EIF2B1: variants seen among roughly 807,000 people sequenced by gnomAD.
EIF2B1 encodes eukaryotic translation initiation factor 2B subunit alpha.
EIF2B1 carries 30 observed loss-of-function variants against 36.8 expected under a neutral mutation model. That is an observed-to-expected ratio of 0.81 (90% CI 0.61 to 1.10). The LOEUF is 1.10. EIF2B1 is among the 50% of genes least tolerant of loss of function. EIF2B1 has a pLI of 0.00. For missense variants in EIF2B1, 271 were observed against 374.8 expected (o/e 0.72, Z 2.29); for synonymous variants, 139 against 142.2 (o/e 0.98, Z 0.16).
chr12:123,633,380 C>G (rs544848762), intron 1 of EIF2B1, among the ~76,000 whole-genome samples, 165 bp downstream of exon 1: 2 of 152,028 alleles, frequency 1.3e-5, no homozygotes, highest in African/African-American at 2.4e-5. Context: ...TCCCTGAAAA[C>G]AAGAGCAGCG....
rs906578124 is a variant in EIF2B1 at position 123,630,791 on chromosome 12, G to A, written c.116-258C>T. Reference sequence around the variant, plus strand: ...TGGGTGGCTGGGCATGGTGGCTCACGCCTGTAATCTCAGCACTTTGGGAGG... The same window carrying A: ...TGGGTGGCTGGGCATGGTGGCTCACACCTGTAATCTCAGCACTTTGGGAGG... On this transcript the variant is annotated intron_variant, in intron 2 of 8. Coordinates refer to ENST00000424014, the MANE Select transcript of EIF2B1 (RefSeq NM_001414.4). This position sits in a 1 kb window ranked among gnomAD's most constrained non-coding sequence, Gnocchi z 4.6. Among the ~76,000 whole-genome samples the A allele has an allele frequency of 2.0e-5, 3 of 152,156 alleles. No individual in the cohort carries two copies. Among genetic ancestry groups the A allele is most frequent in the Middle Eastern group, 6.3e-3 (2 of 316 alleles).
chr12:123,626,492 TACTG>T lies in EIF2B1; in HGVS notation c.483-3_483del. On this transcript the variant is annotated splice_acceptor_variant and splice_polypyrimidine_tract_variant and coding_sequence_variant and intron_variant, in exon 6 of 9. Transcript: ENST00000424014. LOFTEE classifies it high-confidence loss of function. ...TGGCAGAGGGCTTTGGCCATTTTCT[TACTG>T]AAGATGACATTTTGAGAACGTTAGA... The T allele has an allele frequency of 6.2e-7, 1 of 1,614,128 alleles. No homozygotes were observed. The highest frequency in any genetic ancestry group is 8.5e-7 in the Non-Finnish European group (1 of 1,179,970).
chr12:123,624,703 A>G, intron 7 of EIF2B1, 84 bp downstream of exon 7: 2 of 1,162,828 alleles, frequency 1.7e-6, no homozygotes, highest in South Asian at 1.2e-5. Flanking sequence ...AGAAGGAACC[A>G]TAATCAACAC....
At chr12:123,625,256 ATCTT>A (rs958985618) in intron 6 of EIF2B1, among the ~76,000 whole-genome samples, 13 of 151,936 alleles carry the variant, frequency 8.6e-5, no homozygotes, top group Non-Finnish European at 1.3e-4. Context: ...AGTTTTAAAA[ATCTT>A]TCTTTTTTTT....
At chr12:123,623,598 A>T (rs949482177) in intron 7 of EIF2B1, among the ~76,000 whole-genome samples, 27 of 151,776 alleles carry the variant, frequency 1.8e-4, no homozygotes, top group African/African-American at 5.6e-4. Flanking sequence ...TCAGCCTGCC[A>T]AGTAGCTGGG....
rs779143416 is a variant in EIF2B1 at position 123,621,709 on chromosome 12, C to T, written c.*47G>A. On this transcript the variant is annotated 3_prime_UTR_variant, in exon 9 of 9. Transcript: ENST00000424014. ...CTGGGGTGTCAAGCAGCTACTCACCCTGCCTCAACTACGTAAGCTGCACCT... is the reference window on the plus strand; with the variant it reads ...CTGGGGTGTCAAGCAGCTACTCACCTTGCCTCAACTACGTAAGCTGCACCT... 3.7e-6 allele frequency: 6 copies of T among 1,612,076 alleles called. No homozygotes were observed. Among genetic ancestry groups the T allele is most frequent in the Non-Finnish European group, 5.1e-6 (6 of 1,179,902 alleles).
At chr12:123,633,403 T>C (rs572822166) in intron 1 of EIF2B1, 142 bp downstream of exon 1, 3 of 1,295,712 alleles carry the variant, frequency 2.3e-6, no homozygotes, top group African/African-American at 1.5e-5. Flanking sequence ...AGGGATTTAG[T>C]TGTGACTCTG....
At chr12:123,627,378 C>T (rs527344014) in intron 4 of EIF2B1, among the ~76,000 whole-genome samples, 1 of 152,364 alleles carries the variant, frequency 6.6e-6, no homozygotes, top group East Asian at 1.9e-4. Flanking sequence ...AGAAATGGAA[C>T]TCCCACACAG....
chr12:123,631,884 G>C (rs968546802), intron 2 of EIF2B1, among the ~76,000 whole-genome samples: 39 of 151,882 alleles, frequency 2.6e-4, no homozygotes, highest in Admixed American at 1.4e-3. Context: ...TGAGGCAGGA[G>C]AATCGCTTGA....
rs576614486 is a variant in EIF2B1, at chr12:123,627,245, A to T, written c.370-89T>A. ...CTGCGGCACGTGTTCCCGACACCCT[A>T]AGCATCTCTGTACACTTTCTCACAA... On this transcript the variant is annotated intron_variant, in intron 4 of 8. Coordinates refer to ENST00000424014, the MANE Select transcript of EIF2B1 (RefSeq NM_001414.4). 2.0e-5 allele frequency: 19 copies of T among 973,198 alleles called. No homozygotes were observed. In the African/African-American group the frequency reaches 3.0e-4, roughly 16 times the overall value. 60.3% of individuals were successfully genotyped at this position (973,198 alleles called of 1,614,324 possible).
At position 123,630,627 on chromosome 12, in the gene EIF2B1, T is replaced by C. The variant is rs1366280672; in HGVS notation, c.116-94A>G. 5.2e-6 allele frequency: 8 copies of C among 1,529,428 alleles called. No individual in the cohort carries two copies. Among genetic ancestry groups the C allele is most frequent in the Non-Finnish European group, 7.1e-6 (8 of 1,118,936 alleles). 94.7% of individuals were successfully genotyped at this position (1,529,428 alleles called of 1,614,324 possible). ...ATTCATTCATTCAGTGAATATTTAC[T>C]AGGTACATACTATATACCAGGCACT... is the stretch of plus-strand genomic sequence containing the variant. On this transcript the variant is annotated intron_variant, in intron 2 of 8. Transcript: ENST00000424014. The surrounding 1 kb of genome is among the most constrained non-coding windows in gnomAD (Gnocchi z 4.6).
chr12:123,628,715 G>A (rs1051072756), intron 4 of EIF2B1, among the ~76,000 whole-genome samples: 1 of 151,990 alleles, frequency 6.6e-6, no homozygotes, highest in Non-Finnish European at 1.5e-5. Flanking sequence ...AAGACAAGGG[G>A]GCAGAACCAG....
intron 7 of EIF2B1, among the ~76,000 whole-genome samples, chr12:123,623,168 G>A (rs1021587636): frequency 6.6e-6 from 1 of 152,066 alleles, no homozygotes; most frequent in Non-Finnish European, 1.5e-5. Context: ...ATCACCTGAG[G>A]TCAGGAGTTT....
Position 123,633,533 on chromosome 12 carries a change from G to A in EIF2B1, c.13+12C>T. ...TGCTGTAGCCTAGCAGCCCTGGCCT[G>A]TCTTGATTTACCCTTGTCGTCCATG... On this transcript the variant is annotated intron_variant, in intron 1 of 8. Transcript: ENST00000424014. 6.2e-7 allele frequency: 1 copy of A among 1,613,724 alleles called. No individual in the cohort carries two copies.
At position 123,628,141 on chromosome 12, in the gene EIF2B1, G is replaced by A. The variant is rs180867090; in HGVS notation, c.370-985C>T. ...AGTGTTCATGGCTCACTGTAGCCTC[G>A]ACATCCTGGGCTCAAACGATCCTCC... On this transcript the variant is annotated intron_variant, in intron 4 of 8. Coordinates refer to ENST00000424014, the MANE Select transcript of EIF2B1 (RefSeq NM_001414.4). 3.0e-3 allele frequency among the ~76,000 whole-genome samples: 453 copies of A among 151,954 alleles called. 1 individual carries two copies. Among genetic ancestry groups the A allele is most frequent in the South Asian group, 8.5e-3 (41 of 4,814 alleles).
intron 5 of EIF2B1, 178 bp downstream of exon 5, chr12:123,626,866 G>T: frequency 1.4e-6 from 1 of 717,004 alleles, no homozygotes; most frequent in South Asian, 1.5e-5. Context: ...ATCATATACT[G>T]CGGCCTGCTG....
Position 123,622,711 on chromosome 12 carries a change from G to A in EIF2B1, c.678C>T (p.Phe226=). 1 of 1,614,188 alleles carries A rather than the reference G, an allele frequency of 6.2e-7. No individual in the cohort carries two copies. Among genetic ancestry groups the A allele is most frequent in the East Asian group, 2.2e-5 (1 of 44,888 alleles). The part of the protein sequence containing the change: ...AVCAKAQNKP[F]YVVAESFKFV... ...ACTTGAAACTTTCTGCAACCACATA[G>A]AAAGGTTTGTTCTGTGCTTTGGCAC... is the stretch of plus-strand genomic sequence containing the variant. Residue 226 remains phenylalanine, a synonymous_variant, in exon 8 of 9, where the codon TTC becomes TTT. Coordinates refer to ENST00000424014, the MANE Select transcript of EIF2B1 (RefSeq NM_001414.4).
intron 2 of EIF2B1, among the ~76,000 whole-genome samples, chr12:123,631,599 G>A (rs927844201): frequency 1.3e-5 from 2 of 151,806 alleles, no homozygotes; most frequent in Non-Finnish European, 2.9e-5. Context: ...ACGAGGTCAG[G>A]AGATCGAGAC....
chr12:123,629,949 C>A, intron 4 of EIF2B1: 1 of 618,226 alleles, frequency 1.6e-6, no homozygotes, highest in Non-Finnish European at 2.9e-6. Context: ...CCCTCACACC[C>A]CTTGCCCCTT....
Sources: allele counts gnomAD v4.1 joint callset (sites outside exome capture counted in the v4.1 genomes callset), GRCh38; gene constraint gnomAD v4.1.1; non-coding constraint Gnocchi (gnomAD v3.1); transcripts MANE v1.5; gene names NCBI Gene and HGNC (gene_info 2026-07-23, HGNC 2026-07-21).